Variants in TRIM71 observed in about 807,000 individuals in gnomAD.
TRIM71 encodes the protein E3 ubiquitin-protein ligase TRIM71.
Under a neutral mutation model 61.2 loss-of-function variants are expected in TRIM71, and 9 were observed. The ratio of observed to expected loss-of-function variants is 0.15; its 90% CI spans 0.09 to 0.26. TRIM71 has a LOEUF of 0.26. Among genes scored for constraint, TRIM71 ranks in the 10% least tolerant of loss-of-function variants. TRIM71 has a pLI of 1.00. For missense variants in TRIM71, 998 were observed against 1,238.7 expected (o/e 0.81, Z 2.92); for synonymous variants, 645 against 553.2 (o/e 1.17, Z -2.33).
intron 1 of TRIM71, among the ~76,000 whole-genome samples, chr3:32,867,788 G>A (rs1408200655): frequency 2.6e-5 from 4 of 152,050 alleles, no homozygotes; most frequent in South Asian, 2.1e-4. Context: ...CTATAGTACC[G>A]TGTTGCACAT....
In TRIM71 at chr3:32,897,254, A is replaced by C. The variant is rs1023488656; in HGVS notation, c.*5443A>C. The C allele has an allele frequency of 6.6e-6, 1 of 152,030 alleles. No individual in the cohort carries two copies. Among genetic ancestry groups the C allele is most frequent in the South Asian group, 2.1e-4 (1 of 4,814 alleles). 9.4% of individuals were successfully genotyped at this position (152,030 alleles called of 1,614,324 possible). A position where few individuals can be genotyped will look rare whatever the true frequency, so the allele number is the denominator to read the frequency against. ...ATGTGGGCAAGTTGCCTTATGTTAGAATGACTAAGTTAAACCTCTTAATTT... is the reference window on the plus strand; with the variant it reads ...ATGTGGGCAAGTTGCCTTATGTTAGCATGACTAAGTTAAACCTCTTAATTT... On this transcript the variant is annotated 3_prime_UTR_variant, in exon 4 of 4. Transcript: ENST00000383763.
chr3:32,874,961 C>T (rs113863974), intron 2 of TRIM71, among the ~76,000 whole-genome samples: 45 of 152,280 alleles, frequency 3.0e-4, no homozygotes, highest in African/African-American at 1.1e-3. Flanking sequence ...GCTGGGGTTA[C>T]AGGCGCCCGC....
At chr3:32,834,845 A>T (rs889456638) in intron 1 of TRIM71, among the ~76,000 whole-genome samples, 3 of 152,186 alleles carry the variant, frequency 2.0e-5, no homozygotes, top group Non-Finnish European at 2.9e-5. Context: ...CATCTCAAAA[A>T]AAAAGGGGAT....
At chr3:32,831,230 T>C (rs1022832694) in intron 1 of TRIM71, among the ~76,000 whole-genome samples, 2 of 151,986 alleles carry the variant, frequency 1.3e-5, no homozygotes, top group South Asian at 2.1e-4. Context: ...GGTAAGACCA[T>C]GAGCTACAGA....
intron 1 of TRIM71, among the ~76,000 whole-genome samples, chr3:32,842,135 A>G (rs1379739417): frequency 6.6e-6 from 1 of 152,236 alleles, no homozygotes; most frequent in African/African-American, 2.4e-5. Context: ...TGGTCCTCAT[A>G]TGCTGAGGAG....
In TRIM71 at chr3:32,889,928, A is replaced by G. The variant is rs555801455; in HGVS notation, c.1156-432A>G. Reference sequence around the variant, plus strand: ...TGTATGTATGTATGTATGTGTATATATGTTTGTGATCTGAGAGTGAGTTGG... The same window carrying G: ...TGTATGTATGTATGTATGTGTATATGTGTTTGTGATCTGAGAGTGAGTTGG... On this transcript the variant is annotated intron_variant, in intron 3 of 3. Transcript: ENST00000383763. Among the ~76,000 whole-genome samples, 4 of 152,008 alleles carry G rather than the reference A, an allele frequency of 2.6e-5. 1 individual carries two copies. The South Asian group carries it at 8.3e-4, about 32-fold the overall frequency.
chr3:32,865,716 CA>C (rs1321857017), intron 1 of TRIM71, among the ~76,000 whole-genome samples: 3 of 150,264 alleles, frequency 2.0e-5, no homozygotes, highest in African/African-American at 7.4e-5. Context: ...TAAGCCCAGC[CA>C]AATTCCAGCA....
intron 1 of TRIM71, among the ~76,000 whole-genome samples, chr3:32,835,364 T>G (rs1696323199): frequency 6.6e-6 from 1 of 152,110 alleles, no homozygotes; most frequent in South Asian, 2.1e-4. Flanking sequence ...GAGAGGGTCC[T>G]CTCCCCCTCT....
At chr3:32,858,926 T>G (rs1696635103) in intron 1 of TRIM71, among the ~76,000 whole-genome samples, 1 of 152,170 alleles carries the variant, frequency 6.6e-6, no homozygotes, top group South Asian at 2.1e-4. Flanking sequence ...AATTTTCTTT[T>G]TCCCACCATA....
At chr3:32,827,225 A>G (rs1400885492) in intron 1 of TRIM71, among the ~76,000 whole-genome samples, 1 of 148,428 alleles carries the variant, frequency 6.7e-6, no homozygotes, top group Non-Finnish European at 1.5e-5. Context: ...AGTTGTGATT[A>G]TTGGGAATGA....
In TRIM71 at chr3:32,892,547, A is replaced by G. The variant is rs146725867; in HGVS notation, c.*736A>G. On this transcript the variant is annotated 3_prime_UTR_variant, in exon 4 of 4. Coordinates refer to ENST00000383763, the MANE Select transcript of TRIM71 (RefSeq NM_001039111.3). ...AAGCAGACCCTTCATATTTTAGGGT[A>G]TATAATCTTTGTTTCTTTTAAGGGA... 28 of 152,254 alleles carry G rather than the reference A, an allele frequency of 1.8e-4. No homozygotes were observed. The highest frequency in any genetic ancestry group is 6.0e-4 in the African/African-American group (25 of 41,554). 9.4% of individuals were successfully genotyped at this position (152,254 alleles called of 1,614,324 possible). A position where few individuals can be genotyped will look rare whatever the true frequency, so the allele number is the denominator to read the frequency against.
rs558927635 is a variant in TRIM71 at position 32,893,022 on chromosome 3, T to C, written c.*1211T>C. 2.0e-5 allele frequency: 3 copies of C among 152,328 alleles called. No homozygotes were observed. Among genetic ancestry groups the C allele is most frequent in the Admixed American group, 6.5e-5 (1 of 15,302 alleles). The allele number at this position is 152,328 out of a possible 1,614,324, so 9.4% of individuals were successfully genotyped here. Reference sequence around the variant, plus strand: ...AGTAGGCAAAGGAAAGAACTTTTATTTTACAAGCACAATTTTTTCCTGCTT... The same window carrying C: ...AGTAGGCAAAGGAAAGAACTTTTATCTTACAAGCACAATTTTTTCCTGCTT... On this transcript the variant is annotated 3_prime_UTR_variant, in exon 4 of 4. Transcript: ENST00000383763.
chr3:32,842,430 T>G (rs1226786830), intron 1 of TRIM71, among the ~76,000 whole-genome samples: 1 of 152,186 alleles, frequency 6.6e-6, no homozygotes, highest in Non-Finnish European at 1.5e-5. Context: ...TTGAGTATGA[T>G]GGGGTTGTAA....
chr3:32,877,295 G>T (rs559436481), intron 2 of TRIM71, among the ~76,000 whole-genome samples: 4 of 152,028 alleles, frequency 2.6e-5, no homozygotes, highest in Admixed American at 6.6e-5. Context: ...GTAGAGACGG[G>T]GTTTCACCAT....
At chr3:32,876,582 TCAAA>T (rs201053539) in intron 2 of TRIM71, among the ~76,000 whole-genome samples, 34 of 152,148 alleles carry the variant, frequency 2.2e-4, no homozygotes, top group South Asian at 4.2e-4. Context: ...AGACTCCATC[TCAAA>T]CAAACAAACA....
intron 2 of TRIM71, among the ~76,000 whole-genome samples, chr3:32,883,768 T>G (rs1212103678): frequency 6.6e-6 from 1 of 152,232 alleles, no homozygotes; most frequent in Non-Finnish European, 1.5e-5. Flanking sequence ...ATTTATAGAT[T>G]GTTCTGCTAA....
chr3:32,822,170 G>C (rs1696142512), intron 1 of TRIM71, among the ~76,000 whole-genome samples: 1 of 152,124 alleles, frequency 6.6e-6, no homozygotes, highest in African/African-American at 2.4e-5. Flanking sequence ...TTTGAACCCA[G>C]GAAAGCCTCT....
At chr3:32,858,096 G>T (rs558407592) in intron 1 of TRIM71, among the ~76,000 whole-genome samples, 1 of 152,194 alleles carries the variant, frequency 6.6e-6, no homozygotes, top group African/African-American at 2.4e-5. Context: ...GAGAGAGGAG[G>T]GTTTAGTCTT....
chr3:32,818,942 T>TG lies in TRIM71; in HGVS notation c.852+15dup. The TG allele has an allele frequency of 6.2e-7, 1 of 1,609,978 alleles. No homozygotes were observed. Among genetic ancestry groups the TG allele is most frequent in the Non-Finnish European group, 8.5e-7 (1 of 1,179,154 alleles). On this transcript the variant is annotated intron_variant, in intron 1 of 3. Transcript: ENST00000383763. ...GCACCACGACGACGAGGTGAGTGCG[T>TG]GGGGGCGTGTGTTTGTGTCCATCGG...
Sources: allele counts gnomAD v4.1 joint callset (sites outside exome capture counted in the v4.1 genomes callset), GRCh38; gene constraint gnomAD v4.1.1; transcripts MANE v1.5; gene names NCBI Gene and HGNC (gene_info 2026-07-23, HGNC 2026-07-21).